Variants in SLC6A11 observed in about 807,000 individuals in gnomAD.
SLC6A11 encodes solute carrier family 6 member 11.
In SLC6A11, 25 loss-of-function variants were observed where a neutral mutation model predicts 74.8. The ratio of observed to expected loss-of-function variants is 0.33; its 90% CI spans 0.24 to 0.47. The LOEUF (loss-of-function observed/expected upper bound fraction) is 0.47, where lower values mean the gene tolerates loss of function less well. Among genes scored for constraint, SLC6A11 ranks in the 20% least tolerant of loss-of-function variants. The probability of loss-of-function intolerance (pLI) is 1.00; values close to 1 mark genes in which losing one functional copy is unlikely to be tolerated. For synonymous variants in SLC6A11, 330 were observed against 330.2 expected, an observed-to-expected ratio of 1.00 and a Z score of 0.01; for missense variants, 574 against 837.0, an observed-to-expected ratio of 0.69 and a Z score of 3.88.
intron 6 of SLC6A11, among the ~76,000 whole-genome samples, chr3:10,896,201 G>A (rs887516741): frequency 6.6e-6 from 1 of 152,246 alleles, no homozygotes; most frequent in African/African-American, 2.4e-5. Context: ...GGAGGAGACA[G>A]TCAGGGCCTC....
intron 6 of SLC6A11, among the ~76,000 whole-genome samples, chr3:10,894,326 C>T (rs1291453532): frequency 1.3e-5 from 2 of 152,156 alleles, no homozygotes; most frequent in Non-Finnish European, 2.9e-5. Context: ...CTGGCAGGAC[C>T]TGAGAGGTGG....
intron 5 of SLC6A11, among the ~76,000 whole-genome samples, chr3:10,858,545 A>G (rs754429134): frequency 2.0e-5 from 3 of 152,166 alleles, no homozygotes; most frequent in Non-Finnish European, 4.4e-5. Flanking sequence ...CCCTTAGAGG[A>G]TGTACTGCTC....
rs372267411 is a variant in SLC6A11, at chr3:10,849,602, T to G, written c.756+5256T>G. Among the ~76,000 whole-genome samples the G allele has an allele frequency of 3.9e-5, 6 of 152,336 alleles. No homozygotes were observed. The South Asian group carries it at 1.2e-3, about 32-fold the overall frequency. ...TCCCTAGCACCTCCAGAATGAAAAT[T>G]GCCCTTAGAATTTCCCATTTGTACA... On this transcript the variant is annotated intron_variant, in intron 5 of 13. Coordinates refer to ENST00000254488, the MANE Select transcript of SLC6A11 (RefSeq NM_014229.3).
chr3:10,889,027 G>C (rs1216689670), intron 6 of SLC6A11, among the ~76,000 whole-genome samples: 1 of 151,992 alleles, frequency 6.6e-6, no homozygotes, highest in African/African-American at 2.4e-5. Flanking sequence ...TTTTAAGTGG[G>C]GGAGGATCTT....
At chr3:10,873,434 C>CCTATCCTATA (rs1694856062) in intron 5 of SLC6A11, among the ~76,000 whole-genome samples, 1 of 150,486 alleles carries the variant, frequency 6.6e-6, no homozygotes, top group Non-Finnish European at 1.5e-5. Flanking sequence ...CCTATCCTAT[C>CCTATCCTATA]CTATCCTATC....
At chr3:10,885,002 GCCT>G (rs141633587) in intron 6 of SLC6A11, among the ~76,000 whole-genome samples, 1,703 of 152,218 alleles carry the variant, frequency 0.011, 27 homozygotes, top group African/African-American at 0.039. Flanking sequence ...GCACAAGTCG[GCCT>G]CCTCCGAGTG....
intron 5 of SLC6A11, among the ~76,000 whole-genome samples, chr3:10,870,722 G>T (rs1462547716): frequency 1.3e-5 from 2 of 152,158 alleles, no homozygotes; most frequent in Non-Finnish European, 2.9e-5. Flanking sequence ...CCTCAGCATT[G>T]AATTTCAACC....
At chr3:10,901,446 G>A (rs1041812512) in intron 6 of SLC6A11, among the ~76,000 whole-genome samples, 5 of 152,202 alleles carry the variant, frequency 3.3e-5, no homozygotes, top group Admixed American at 6.5e-5. Flanking sequence ...CGCCCGCAGC[G>A]CAACCCTTTA....
chr3:10,900,358 A>G (rs748890694), intron 6 of SLC6A11, among the ~76,000 whole-genome samples: 2 of 152,216 alleles, frequency 1.3e-5, no homozygotes, highest in Admixed American at 6.5e-5. Flanking sequence ...AGTGCTTATC[A>G]TGTGTCAGCA....
chr3:10,882,567 G>A (rs939172397), intron 6 of SLC6A11, among the ~76,000 whole-genome samples: 1 of 152,212 alleles, frequency 6.6e-6, no homozygotes, highest in Admixed American at 6.5e-5. Context: ...TGCAACACAG[G>A]AAGGGCTCAG....
intron 6 of SLC6A11, among the ~76,000 whole-genome samples, chr3:10,903,155 C>T (rs1016139045): frequency 6.6e-6 from 1 of 152,174 alleles, no homozygotes; most frequent in African/African-American, 2.4e-5. Flanking sequence ...ACAGCAAACA[C>T]AAGCCAATTC....
Position 10,816,293 on chromosome 3 carries a change from G to C in SLC6A11, c.28G>C (p.Gly10Arg). The change falls in exon 1 of 14, where the codon GGC (glycine) becomes CGC (arginine). Residue 10 changes from glycine (G) to arginine (R), a missense_variant. Gly to Arg is a moderately radical substitution (Grantham distance 125, BLOSUM62 -2). Transcript: ENST00000254488. This position sits in a 1 kb window ranked among gnomAD's most constrained non-coding sequence, Gnocchi z 4.2. ...GACGGCGGAGAAGGCGCTGCCCCTG[G>C]GCAATGGGAAGGCTGCTGAGGAGGC... MTAEKALPL[G>R]NGKAAEEARE... 7.2e-7 allele frequency: 1 copy of C among 1,391,554 alleles called. No homozygotes were observed. The highest frequency in any genetic ancestry group is 9.3e-7 in the Non-Finnish European group (1 of 1,073,892). 86.2% of individuals were successfully genotyped at this position (1,391,554 alleles called of 1,614,324 possible).
chr3:10,929,351 G>A lies in SLC6A11; in HGVS notation c.1371+12G>A, dbSNP rs748481877. 1.2e-5 allele frequency: 19 copies of A among 1,613,334 alleles called. No individual in the cohort carries two copies. Among genetic ancestry groups the A allele is most frequent in the Admixed American group, 1.7e-5 (1 of 59,936 alleles). ...TGATGTTAACAGAGGTGAGTGGCATGGTTCGGGCCGCACGGGGTGAAGTGG... is the reference window on the plus strand; with the variant it reads ...TGATGTTAACAGAGGTGAGTGGCATAGTTCGGGCCGCACGGGGTGAAGTGG... On this transcript the variant is annotated intron_variant, in intron 10 of 13. Coordinates refer to ENST00000254488, the MANE Select transcript of SLC6A11 (RefSeq NM_014229.3).
intron 7 of SLC6A11, 85 bp downstream of exon 7, chr3:10,912,278 C>T (rs1269587765): frequency 4.3e-6 from 4 of 927,746 alleles, no homozygotes; most frequent in African/African-American, 3.2e-5. Flanking sequence ...TTTGTCTGCC[C>T]ACCTTGCAGG....
intron 8 of SLC6A11, among the ~76,000 whole-genome samples, chr3:10,924,085 C>A (rs953309555): frequency 5.9e-5 from 9 of 151,910 alleles, no homozygotes; most frequent in African/African-American, 1.9e-4. Flanking sequence ...TAAAGAGATA[C>A]AACCAATAAA....
At chr3:10,925,900 A>G (rs1404925573) in intron 8 of SLC6A11, 104 bp from the exon 9 acceptor site, 2 of 692,638 alleles carry the variant, frequency 2.9e-6, no homozygotes, top group Admixed American at 2.3e-5. Flanking sequence ...AGGCAGGCAC[A>G]GTGCCTGGCG....
chr3:10,896,930 A>C (rs1239302110), intron 6 of SLC6A11, among the ~76,000 whole-genome samples: 5 of 152,240 alleles, frequency 3.3e-5, no homozygotes, highest in African/African-American at 1.2e-4. Context: ...TGGACAATTT[A>C]TAAAAGAAAG....
At chr3:10,889,136 A>G (rs1372618759) in intron 6 of SLC6A11, among the ~76,000 whole-genome samples, 1 of 152,194 alleles carries the variant, frequency 6.6e-6, no homozygotes, top group East Asian at 1.9e-4. Flanking sequence ...TTAAGTTTAC[A>G]GAAAAATGGA....
At chr3:10,859,417 G>A (rs1383387219) in intron 5 of SLC6A11, among the ~76,000 whole-genome samples, 2 of 152,142 alleles carry the variant, frequency 1.3e-5, no homozygotes, top group African/African-American at 4.8e-5. Flanking sequence ...CATTCTTTGA[G>A]GACCCATTAA....
Sources: gnomAD v4.1 joint callset for allele counts (sites outside exome capture counted in the v4.1 genomes callset) on GRCh38, gnomAD v4.1.1 for gene constraint, Gnocchi (gnomAD v3.1) non-coding constraint, MANE v1.5 for transcripts, NCBI Gene and HGNC (gene_info 2026-07-23, HGNC 2026-07-21) for gene names.